Variants in ADK observed in about 807,000 individuals in gnomAD.
The protein encoded by ADK is adenosine kinase.
In ADK, 24 loss-of-function variants were observed where a neutral mutation model predicts 44.7. That is an observed-to-expected ratio of 0.54 (90% CI 0.39 to 0.76). ADK has a LOEUF of 0.76. ADK is among the 30% of genes least tolerant of loss of function. The pLI is 0.00. For missense variants in ADK, 321 were observed against 425.1 expected (o/e 0.76, Z 2.15); for synonymous variants, 128 against 142.6 (o/e 0.90, Z 0.73).
intron 7 of ADK, among the ~76,000 whole-genome samples, chr10:74,567,454 T>G (rs1850711600): frequency 6.6e-6 from 1 of 152,200 alleles, no homozygotes; most frequent in South Asian, 2.1e-4. Flanking sequence ...TTTAACCCAT[T>G]GCAGACTAAA....
chr10:74,581,471 C>T (rs770789842), intron 7 of ADK, among the ~76,000 whole-genome samples: 18 of 152,004 alleles, frequency 1.2e-4, no homozygotes, highest in Non-Finnish European at 2.5e-4. Flanking sequence ...TATATAAAGA[C>T]TACGGATGGG....
chr10:74,360,022 T>C (rs1403627793), intron 4 of ADK, among the ~76,000 whole-genome samples: 1 of 152,154 alleles, frequency 6.6e-6, no homozygotes, highest in Non-Finnish European at 1.5e-5. Context: ...CACTTACCAG[T>C]TCTAATATAA....
At chr10:74,658,985 G>T (rs1490043538) in intron 9 of ADK, among the ~76,000 whole-genome samples, 4 of 152,044 alleles carry the variant, frequency 2.6e-5, no homozygotes, top group Non-Finnish European at 5.9e-5. Flanking sequence ...GGAAGCCAAG[G>T]TGGGAGGATC....
chr10:74,628,583 C>T (rs183353134), intron 9 of ADK, among the ~76,000 whole-genome samples: 1 of 151,886 alleles, frequency 6.6e-6, no homozygotes, highest in East Asian at 2.0e-4. Context: ...GCTATTCAAC[C>T]AAACCACTAT....
At chr10:74,201,966 A>G (rs1469907116) in intron 2 of ADK, among the ~76,000 whole-genome samples, 1 of 152,158 alleles carries the variant, frequency 6.6e-6, no homozygotes, top group African/African-American at 2.4e-5. Flanking sequence ...TTTAACCATT[A>G]TAAAGTATAC....
chr10:74,282,338 T>C (rs1224532658), intron 3 of ADK, among the ~76,000 whole-genome samples: 1 of 152,226 alleles, frequency 6.6e-6, no homozygotes, highest in Non-Finnish European at 1.5e-5. Context: ...CATGAGCGTA[T>C]TTGACTGCAG....
At chr10:74,222,316 A>G (rs1313964356) in intron 2 of ADK, among the ~76,000 whole-genome samples, 3 of 152,136 alleles carry the variant, frequency 2.0e-5, no homozygotes, top group Admixed American at 6.5e-5. Context: ...GTGAGATATC[A>G]TCTCACACCA....
At chr10:74,383,104 G>A (rs1226655447) in intron 4 of ADK, among the ~76,000 whole-genome samples, 3 of 151,862 alleles carry the variant, frequency 2.0e-5, no homozygotes, top group Non-Finnish European at 4.4e-5. Context: ...AATAGTATTA[G>A]TGATACTGCT....
intron 4 of ADK, among the ~76,000 whole-genome samples, chr10:74,323,737 A>T (rs1840899998): frequency 6.6e-6 from 1 of 151,562 alleles, no homozygotes; most frequent in East Asian, 1.9e-4. Flanking sequence ...CACCCGGCTA[A>T]TTTTTTGCAT....
At chr10:74,376,613 A>G (rs1348372314) in intron 4 of ADK, among the ~76,000 whole-genome samples, 1 of 152,110 alleles carries the variant, frequency 6.6e-6, no homozygotes, top group African/African-American at 2.4e-5. Flanking sequence ...ATTATTCACA[A>G]TGGTAATTTC....
At chr10:74,180,299 G>T (rs926353233) in intron 1 of ADK, among the ~76,000 whole-genome samples, 1 of 150,322 alleles carries the variant, frequency 6.7e-6, no homozygotes, top group African/African-American at 2.4e-5. Flanking sequence ...GTGCAGTGGC[G>T]CGATCTCGGC....
At chr10:74,405,143 A>G (rs1843869783) in intron 6 of ADK, among the ~76,000 whole-genome samples, 1 of 151,954 alleles carries the variant, frequency 6.6e-6, no homozygotes, top group Non-Finnish European at 1.5e-5. Context: ...GTAATACCTG[A>G]ACTGTTATTA....
chr10:74,285,680 C>CAAACAAAACA (rs571489372), intron 3 of ADK, among the ~76,000 whole-genome samples: 3 of 151,892 alleles, frequency 2.0e-5, no homozygotes, highest in African/African-American at 7.3e-5. Flanking sequence ...GACCCTGTCT[C>CAAACAAAACA]AAACAAAACA....
intron 7 of ADK, among the ~76,000 whole-genome samples, chr10:74,557,717 G>A (rs1384047655): frequency 6.6e-6 from 1 of 152,142 alleles, no homozygotes; most frequent in African/African-American, 2.4e-5. Flanking sequence ...TTACAAGCAT[G>A]GGTTTTTAAA....
chr10:74,482,035 T>G (rs1472085795), intron 6 of ADK, among the ~76,000 whole-genome samples: 1 of 152,194 alleles, frequency 6.6e-6, no homozygotes, highest in African/African-American at 2.4e-5. Flanking sequence ...TTGCCCTGCT[T>G]TTGGTTATTT....
At chr10:74,455,457 A>T (rs2395093) in intron 6 of ADK, among the ~76,000 whole-genome samples, 110,126 of 152,110 alleles carry the variant, frequency 0.72, 40,528 homozygotes, top group Middle Eastern at 0.86. Context: ...AGGATTTTAT[A>T]TCCCCTTGAC....
At chr10:74,152,352 C>T (rs1378539483) in intron 1 of ADK, among the ~76,000 whole-genome samples, 2 of 152,186 alleles carry the variant, frequency 1.3e-5, no homozygotes, top group African/African-American at 2.4e-5. Flanking sequence ...GTTAGTGTGC[C>T]TACCTTATAC....
At chr10:74,428,151 G>C (rs916385806) in intron 6 of ADK, among the ~76,000 whole-genome samples, 2 of 152,094 alleles carry the variant, frequency 1.3e-5, no homozygotes, top group African/African-American at 4.8e-5. Context: ...ACTCATTAGG[G>C]CCGACTCTAA....
intron 8 of ADK, among the ~76,000 whole-genome samples, chr10:74,596,160 A>G (rs1292902133): frequency 6.6e-6 from 1 of 152,152 alleles, no homozygotes; most frequent in East Asian, 1.9e-4. Flanking sequence ...ATAAAAAAAA[A>G]CAACAAAAAG....
Sources: allele counts gnomAD v4.1 joint callset (sites outside exome capture counted in the v4.1 genomes callset), GRCh38; gene constraint gnomAD v4.1.1; transcripts MANE v1.5; gene names NCBI Gene and HGNC (gene_info 2026-07-23, HGNC 2026-07-21).